The following PCDH15 variants were observed in gnomAD, a reference collection of about 807,000 sequenced individuals.
The protein encoded by PCDH15 is protocadherin related 15.
Under a neutral mutation model 178.5 loss-of-function variants are expected in PCDH15, and 129 were observed. That is an observed-to-expected ratio of 0.72 (90% confidence interval 0.63 to 0.84). The LOEUF is 0.84. Among genes scored for constraint, PCDH15 ranks in the 40% least tolerant of loss-of-function variants. PCDH15 has a pLI of 0.00. For missense variants in PCDH15, 2,230 were observed against 2,099.9 expected, an observed-to-expected ratio of 1.06 and a Z score of -1.21; for synonymous variants, 800 against 732.0, an observed-to-expected ratio of 1.09 and a Z score of -1.50.
At chr10:54,845,824 G>A (rs764731548) in intron 3 of PCDH15, among the ~76,000 whole-genome samples, 22 of 151,878 alleles carry the variant, frequency 1.4e-4, no homozygotes, top group Admixed American at 6.6e-5. Flanking sequence ...CAATTTTTTT[G>A]GAAGTCAAAA....
chr10:54,700,513 GA>G (rs2095295542), intron 1 of PCDH15, among the ~76,000 whole-genome samples: 1 of 152,008 alleles, frequency 6.6e-6, no homozygotes, highest in Non-Finnish European at 1.5e-5. Flanking sequence ...GCCATTTTAA[GA>G]AAAAACAAAG....
chr10:53,806,480 T>C lies in PCDH15; in HGVS notation c.*99A>G, dbSNP rs1841165846. On this transcript the variant is annotated 3_prime_UTR_variant, in exon 38 of 38. Coordinates refer to ENST00000644397, the MANE Select transcript of PCDH15 (RefSeq NM_001384140.1). ...TGTTCAAAGTTTTAGCTTGTGTGCA[T>C]GATATAAATTCCATACATTGTTTTC... The C allele has an allele frequency of 9.8e-7, 1 of 1,019,534 alleles. No homozygotes were observed. Among genetic ancestry groups the C allele is most frequent in the Non-Finnish European group, 1.4e-6 (1 of 710,796 alleles). The allele number at this position is 1,019,534 out of a possible 1,614,324, so 63.2% of individuals were successfully genotyped here.
At chr10:55,230,962 C>T (rs1420887401) in intron 1 of PCDH15, among the ~76,000 whole-genome samples, 1 of 151,864 alleles carries the variant, frequency 6.6e-6, no homozygotes, top group Non-Finnish European at 1.5e-5. Context: ...TTGCCTTTTC[C>T]TAACACTGGT....
intron 3 of PCDH15, among the ~76,000 whole-genome samples, chr10:54,392,104 G>A (rs1326037345): frequency 6.6e-6 from 1 of 151,990 alleles, no homozygotes; most frequent in South Asian, 2.1e-4. Context: ...CAGGTACTTT[G>A]TTTCAATCTC....
chr10:54,315,255 T>C (rs1250583189), intron 8 of PCDH15, among the ~76,000 whole-genome samples: 1 of 152,234 alleles, frequency 6.6e-6, no homozygotes, highest in African/African-American at 2.4e-5. Context: ...TGGTTTCTCA[T>C]TGTGGTTTTG....
chr10:55,501,230 G>T (rs144968959), intron 2 of PCDH15, among the ~76,000 whole-genome samples: 1 of 151,814 alleles, frequency 6.6e-6, no homozygotes, highest in East Asian at 2.0e-4. Context: ...GAGAGGAAAG[G>T]AGGGATCCAC....
chr10:55,452,695 A>G (rs1839462788), intron 2 of PCDH15, among the ~76,000 whole-genome samples: 1 of 152,096 alleles, frequency 6.6e-6, no homozygotes, highest in South Asian at 2.1e-4. Context: ...ACAACCAACA[A>G]ACCAACAAAC....
intron 2 of PCDH15, among the ~76,000 whole-genome samples, chr10:55,374,385 A>G (rs972407980): frequency 4.6e-5 from 7 of 152,072 alleles, no homozygotes; most frequent in African/African-American, 1.7e-4. Flanking sequence ...TTTTTTCTCT[A>G]TGTGTGTAAA....
At chr10:54,255,909 T>C (rs2056860877) in intron 8 of PCDH15, among the ~76,000 whole-genome samples, 1 of 152,092 alleles carries the variant, frequency 6.6e-6, no homozygotes, top group African/African-American at 2.4e-5. Flanking sequence ...TCAGCATAGG[T>C]GCAAATTTCA....
chr10:54,660,537 A>G (rs1007583072), intron 2 of PCDH15, among the ~76,000 whole-genome samples: 1 of 152,136 alleles, frequency 6.6e-6, no homozygotes, highest in Non-Finnish European at 1.5e-5. Context: ...CCAGACATAG[A>G]AAGAGCTAGT....
At chr10:54,085,623 A>G (rs932867639) in intron 16 of PCDH15, among the ~76,000 whole-genome samples, 3 of 152,204 alleles carry the variant, frequency 2.0e-5, no homozygotes, top group African/African-American at 7.2e-5. Context: ...AGATATGGCC[A>G]CTTAATACAT....
chr10:54,590,230 A>G lies in PCDH15; in HGVS notation c.92-62353T>C, dbSNP rs539236847. 3.5e-4 allele frequency among the ~76,000 whole-genome samples: 54 copies of G among 152,270 alleles called. 1 individual carries two copies. In the South Asian group the frequency reaches 8.1e-3, roughly 23 times the overall value. ...AATAAAGTGTTATCATGCCCATACT[A>G]TAAGTAGAAAAACACAGGTAGAAAG... is the stretch of plus-strand genomic sequence containing the variant. On this transcript the variant is annotated intron_variant, in intron 2 of 37. Transcript: ENST00000644397.
At chr10:54,824,496 C>T (rs542840916) in intron 3 of PCDH15, among the ~76,000 whole-genome samples, 3 of 152,048 alleles carry the variant, frequency 2.0e-5, no homozygotes, top group East Asian at 1.9e-4. Flanking sequence ...AGGCAGGAGG[C>T]GCTCTCCAGC....
chr10:54,394,963 TCTCTC>T (rs1951016837), intron 3 of PCDH15, among the ~76,000 whole-genome samples: 1 of 152,138 alleles, frequency 6.6e-6, no homozygotes, highest in African/African-American at 2.4e-5. Flanking sequence ...TTTAAGGTTA[TCTCTC>T]TTATTCCCCG....
chr10:55,225,694 G>A (rs1387539993), intron 1 of PCDH15, among the ~76,000 whole-genome samples: 1 of 151,090 alleles, frequency 6.6e-6, no homozygotes, highest in African/African-American at 2.4e-5. Flanking sequence ...AAGGAAAGAG[G>A]TATAAAAGCA....
intron 2 of PCDH15, among the ~76,000 whole-genome samples, chr10:54,653,329 T>C (rs1334988010): frequency 6.6e-6 from 1 of 152,204 alleles, no homozygotes; most frequent in Admixed American, 6.5e-5. Flanking sequence ...CTACTAGCCG[T>C]GTGTTATAGA....
chr10:54,980,064 A>C (rs1175402209), intron 2 of PCDH15, among the ~76,000 whole-genome samples: 1 of 152,182 alleles, frequency 6.6e-6, no homozygotes, highest in Non-Finnish European at 1.5e-5. Context: ...GTGGCCATCC[A>C]TTACAGATTT....
At chr10:53,984,311 G>A (rs1473749342) in intron 21 of PCDH15, among the ~76,000 whole-genome samples, 2 of 151,488 alleles carry the variant, frequency 1.3e-5, no homozygotes, top group African/African-American at 4.9e-5. Flanking sequence ...CACCATGCTC[G>A]GCTAATTTTT....
intron 10 of PCDH15, 107 bp from the exon 11 acceptor site, chr10:54,195,996 T>A (rs1564653795): frequency 1.0e-6 from 1 of 960,300 alleles, no homozygotes; most frequent in Non-Finnish European, 1.6e-6. Context: ...ACTAATATCA[T>A]CACATAAGGA....
Sources: gnomAD v4.1 joint callset for allele counts (sites outside exome capture counted in the v4.1 genomes callset) on GRCh38, gnomAD v4.1.1 for gene constraint, MANE v1.5 for transcripts, NCBI Gene and HGNC (gene_info 2026-07-23, HGNC 2026-07-21) for gene names.